Variants in CPEB1 observed in about 807,000 individuals in gnomAD.
CPEB1 encodes the protein cytoplasmic polyadenylation element binding protein 1, also known as cytoplasmic polyadenylation element-binding protein 1.
CPEB1 carries 7 observed loss-of-function variants against 65.8 expected under a neutral mutation model. The ratio of observed to expected loss-of-function variants is 0.11; its 90% CI spans 0.06 to 0.20. The LOEUF (loss-of-function observed/expected upper bound fraction) is 0.20. Among genes scored for constraint, CPEB1 ranks in the 10% least tolerant of loss-of-function variants. The pLI, the probability that CPEB1 is intolerant of heterozygous loss-of-function variation, is 1.00. For synonymous variants in CPEB1, 262 were observed against 260.0 expected, an observed-to-expected ratio of 1.01 and a Z score of -0.08; for missense variants, 551 against 712.2, an observed-to-expected ratio of 0.77 and a Z score of 2.58.
At chr15:82,579,043 G>C (rs150202738) in intron 3 of CPEB1, among the ~76,000 whole-genome samples, 3,369 of 152,118 alleles carry the variant, frequency 0.022, 128 homozygotes, top group African/African-American at 0.076. Flanking sequence ...GGCTGGTCTT[G>C]AACTCCTGAC....
At chr15:82,571,740 A>G (rs1029976649) in intron 3 of CPEB1, 5 of 1,389,296 alleles carry the variant, frequency 3.6e-6, no homozygotes, top group Non-Finnish European at 4.6e-6. Flanking sequence ...TCACACACAC[A>G]CCCCTATCCC....
chr15:82,568,388 C>T (rs2039486759), intron 4 of CPEB1, among the ~76,000 whole-genome samples: 1 of 152,114 alleles, frequency 6.6e-6, no homozygotes, highest in Non-Finnish European at 1.5e-5. Context: ...GAAAGGGTAG[C>T]ACTGGGGTAT....
rs759956063 is a variant in CPEB1, at chr15:82,571,513, T to A, written c.291A>T (p.Glu97Asp). The A allele has an allele frequency of 6.2e-7, 1 of 1,613,948 alleles. No individual in the cohort carries two copies. The highest frequency in any genetic ancestry group is 8.5e-7 in the Non-Finnish European group (1 of 1,179,876). The change falls in exon 4 of 13, where the codon GAA (glutamate) becomes GAT (aspartate). Residue 97 changes from glutamate to aspartate, a missense_variant. Glu to Asp is a conservative substitution (Grantham distance 45, BLOSUM62 2). Around this residue, in one of 6 missense-constraint regions of CPEB1, gnomAD observed 223 missense variants for 228.6 expected, o/e 0.98. Transcript: ENST00000684509. ...GGAAAAGCATCCTGCTTGTAACTGT[T>A]TCTTCAGAGTCCTGGAAGTCTGTTT... ...DHLPDFQDSE[E>D]TVTSRMLFPT... is the part of the protein sequence containing the mutation.
chr15:82,562,834 C>CA (rs771713486), intron 4 of CPEB1, among the ~76,000 whole-genome samples: 7,663 of 106,018 alleles, frequency 0.072, 497 homozygotes, highest in African/African-American at 0.2. Context: ...AATCCTGTCT[C>CA]AAAAAAAAAA....
At chr15:82,631,654 A>C (rs1224533130) in intron 1 of CPEB1, among the ~76,000 whole-genome samples, 1 of 152,202 alleles carries the variant, frequency 6.6e-6, no homozygotes, top group African/African-American at 2.4e-5. Context: ...TTGAGGAAGG[A>C]TCTATTGGCT....
At chr15:82,596,718 A>G (rs1192198073) in intron 3 of CPEB1, among the ~76,000 whole-genome samples, 1 of 145,452 alleles carries the variant, frequency 6.9e-6, no homozygotes, top group Non-Finnish European at 1.5e-5. Flanking sequence ...AAAAAAAAAA[A>G]GTTCATTACA....
intron 3 of CPEB1, among the ~76,000 whole-genome samples, chr15:82,590,932 T>C (rs1330812365): frequency 2.6e-5 from 4 of 152,220 alleles, no homozygotes; most frequent in African/African-American, 9.6e-5. Flanking sequence ...GGCATTTAGG[T>C]TGATTCCATG....
At chr15:82,571,839 G>C in intron 3 of CPEB1, 2 of 1,147,616 alleles carry the variant, frequency 1.7e-6, no homozygotes, top group Non-Finnish European at 2.1e-6. Context: ...GTGCAATAGA[G>C]AGCGGCATCA....
intron 4 of CPEB1, among the ~76,000 whole-genome samples, chr15:82,560,852 C>G (rs1476350322): frequency 6.6e-6 from 1 of 152,176 alleles, no homozygotes; most frequent in Admixed American, 6.5e-5. Flanking sequence ...AGGATTTTCT[C>G]CAGCAGAGCT....
At chr15:82,605,118 C>G (rs2043449469) in intron 3 of CPEB1, among the ~76,000 whole-genome samples, 1 of 152,140 alleles carries the variant, frequency 6.6e-6, no homozygotes. Context: ...AAAGAAGAAA[C>G]TCAACCAAGA....
intron 8 of CPEB1, among the ~76,000 whole-genome samples, chr15:82,552,920 G>C (rs142648291): frequency 6.6e-6 from 1 of 152,302 alleles, no homozygotes; most frequent in East Asian, 1.9e-4. Flanking sequence ...AGGCTTTCCT[G>C]GTGGCAGGAA....
chr15:82,594,119 AAAGCTTTG>A (rs1396143243), intron 3 of CPEB1, among the ~76,000 whole-genome samples: 1 of 152,228 alleles, frequency 6.6e-6, no homozygotes, highest in African/African-American at 2.4e-5. Flanking sequence ...CCTGTTCTTC[AAAGCTTTG>A]AAGCCAGAAA....
Position 82,555,898 on chromosome 15 carries a change from T to C in CPEB1, c.912A>G (p.Arg304=). 2.5e-6 allele frequency: 4 copies of C among 1,613,232 alleles called. No individual in the cohort carries two copies. Among genetic ancestry groups the C allele is most frequent in the Non-Finnish European group, 3.4e-6 (4 of 1,179,628 alleles). The change falls in exon 6 of 13, where the codon AGA becomes AGG. Residue 304 remains arginine, a synonymous_variant. Transcript: ENST00000684509. ...EAPKDPFSIE[R]EARLHRQAAA... ...CAGCTTGTCGGTGCAGCCTGGCCTCTCTCTCTATGCTGAAGGGGTCTTTGG... is the reference window on the plus strand; with the variant it reads ...CAGCTTGTCGGTGCAGCCTGGCCTCCCTCTCTATGCTGAAGGGGTCTTTGG...
intron 1 of CPEB1, among the ~76,000 whole-genome samples, chr15:82,638,817 T>C (rs2046873774): frequency 1.3e-5 from 2 of 152,222 alleles, no homozygotes. Context: ...TGAAATTAAT[T>C]TTACTGCTTC....
intron 9 of CPEB1, 133 bp downstream of exon 9, chr15:82,552,347 G>T: frequency 2.6e-6 from 2 of 765,360 alleles, no homozygotes; most frequent in Non-Finnish European, 1.9e-6. Flanking sequence ...ATTTTATTGT[G>T]GGACAAGAAG....
intron 4 of CPEB1, among the ~76,000 whole-genome samples, chr15:82,564,105 A>C (rs1347007467): frequency 6.6e-6 from 1 of 152,212 alleles, no homozygotes; most frequent in Non-Finnish European, 1.5e-5. Context: ...TACCAAGACC[A>C]ATCTTTACCA....
chr15:82,567,117 G>A (rs1228166789), intron 4 of CPEB1, among the ~76,000 whole-genome samples: 1 of 152,202 alleles, frequency 6.6e-6, no homozygotes, highest in Admixed American at 6.5e-5. Flanking sequence ...AGTTGAGGAA[G>A]ATTTACAAGA....
rs1459398413 is a variant in CPEB1 at position 82,557,931 on chromosome 15, G to A, written c.516C>T (p.Ser172=). The part of the protein sequence containing the change: ...LGNVLGKPPL[S]FLPLDPLGSD... ...ACCCAAGGGGATCCAGAGGCAGGAAGCTCAAGGGGGGTTTTCCTAGGACAT... is the reference window on the plus strand; with the variant it reads ...ACCCAAGGGGATCCAGAGGCAGGAAACTCAAGGGGGGTTTTCCTAGGACAT... The change falls in exon 5 of 13, where the codon AGC becomes AGT. Residue 172 remains serine (S), a synonymous_variant. Coordinates refer to ENST00000684509, the MANE Select transcript of CPEB1 (RefSeq NM_001365242.1). 4 of 1,614,008 alleles carry A rather than the reference G, an allele frequency of 2.5e-6. No individual in the cohort carries two copies. The Admixed American group carries it at 6.7e-5, about 27-fold the overall frequency.
chr15:82,648,503 C>G (rs587726835), upstream of CPEB1: 1 of 152,448 alleles, frequency 6.6e-6, no homozygotes, highest in African/African-American at 2.4e-5. Flanking sequence ...CAGAAAGTTC[C>G]AAAGACATCA....
Sources: gnomAD v4.1 joint callset for allele counts (sites outside exome capture counted in the v4.1 genomes callset) on GRCh38, gnomAD v4.1.1 for gene constraint, gnomAD v4.1.1 regional missense constraint, MANE v1.5 for transcripts, NCBI Gene and HGNC (gene_info 2026-07-23, HGNC 2026-07-21) for gene names.